PTPRG: variants seen among roughly 807,000 people sequenced by gnomAD.
PTPRG encodes protein tyrosine phosphatase receptor type G.
In PTPRG, 102 loss-of-function variants were observed where a neutral mutation model predicts 165.3. The observed-to-expected ratio is 0.62, with a 90% CI of 0.53 to 0.73. The LOEUF (loss-of-function observed/expected upper bound fraction) is 0.73. PTPRG is among the 30% of genes least tolerant of loss of function. The pLI, the probability that PTPRG is intolerant of heterozygous loss-of-function variation, is 0.00. For synonymous variants in PTPRG, 675 were observed against 669.5 expected, an observed-to-expected ratio of 1.01 and a Z score of -0.13; for missense variants, 1,866 against 1,861.4, an observed-to-expected ratio of 1.00 and a Z score of -0.05.
chr3:61,570,574 A>C (rs1700032572), intron 1 of PTPRG, among the ~76,000 whole-genome samples: 1 of 152,148 alleles, frequency 6.6e-6, no homozygotes, highest in Non-Finnish European at 1.5e-5. Context: ...ATATACATCT[A>C]AGAGGTATTT....
intron 11 of PTPRG, among the ~76,000 whole-genome samples, chr3:62,202,157 T>C (rs939176157): frequency 3.3e-5 from 5 of 152,144 alleles, no homozygotes; most frequent in Non-Finnish European, 7.4e-5. Context: ...AAGTAATGTG[T>C]CCAGCATCAC....
intron 5 of PTPRG, among the ~76,000 whole-genome samples, chr3:62,082,072 C>T (rs1484058322): frequency 6.6e-6 from 1 of 152,174 alleles, no homozygotes; most frequent in Admixed American, 6.5e-5. Flanking sequence ...CTTATAAACC[C>T]ACATATTCAT....
intron 2 of PTPRG, among the ~76,000 whole-genome samples, chr3:61,846,190 T>A (rs1010460737): frequency 6.6e-6 from 1 of 152,220 alleles, no homozygotes; most frequent in Non-Finnish European, 1.5e-5. Flanking sequence ...TTGCTGTATT[T>A]TATTATTTAT....
At chr3:61,742,792 T>C in intron 1 of PTPRG, 1 of 1,610,700 alleles carries the variant, frequency 6.2e-7, no homozygotes, top group Non-Finnish European at 8.5e-7. Flanking sequence ...CGCATCATAC[T>C]TCTTGGCCAG....
chr3:62,277,429 C>T (rs1478955694), intron 25 of PTPRG, 122 bp from the exon 26 acceptor site: 9 of 1,142,686 alleles, frequency 7.9e-6, no homozygotes. Context: ...TACCGAATGC[C>T]TTTCTCAATT....
chr3:61,606,814 G>T (rs1239708604), intron 1 of PTPRG, among the ~76,000 whole-genome samples: 3 of 152,160 alleles, frequency 2.0e-5, no homozygotes, highest in Non-Finnish European at 4.4e-5. Flanking sequence ...GGAGCCCTCA[G>T]GGCCTCATCA....
intron 15 of PTPRG, among the ~76,000 whole-genome samples, chr3:62,253,350 C>T (rs1257437245): frequency 6.6e-6 from 1 of 152,158 alleles, no homozygotes; most frequent in East Asian, 1.9e-4. Flanking sequence ...GTCACTCTGC[C>T]CTTGAAAATA....
At chr3:61,578,303 C>T (rs1700212454) in intron 1 of PTPRG, among the ~76,000 whole-genome samples, 1 of 152,200 alleles carries the variant, frequency 6.6e-6, no homozygotes, top group African/African-American at 2.4e-5. Flanking sequence ...AGCTTCTTGA[C>T]AGACTGATAT....
intron 1 of PTPRG, among the ~76,000 whole-genome samples, chr3:61,621,080 T>C (rs1363402238): frequency 6.7e-6 from 1 of 149,154 alleles, no homozygotes. Flanking sequence ...TGTGTGTGTA[T>C]ATTTATTTAT....
chr3:61,573,968 T>C (rs542554380), intron 1 of PTPRG, among the ~76,000 whole-genome samples: 1 of 152,276 alleles, frequency 6.6e-6, no homozygotes, highest in Non-Finnish European at 1.5e-5. Flanking sequence ...CCATTCTAAT[T>C]AGAGGACAAA....
chr3:61,878,354 G>A (rs1364018567), intron 2 of PTPRG, among the ~76,000 whole-genome samples: 1 of 152,198 alleles, frequency 6.6e-6, no homozygotes, highest in South Asian at 2.1e-4. Context: ...CTTCTTTTGG[G>A]TTCTGTTTGA....
chr3:62,228,670 C>T lies in PTPRG; in HGVS notation c.2289-2555C>T, dbSNP rs923569596. ...CAAACTGCCCTTCCTTTATGCAAAG[C>T]AAAGTCCACTGTTAACGGGTAGAAT... On this transcript the variant is annotated intron_variant, in intron 13 of 29. Coordinates refer to ENST00000474889, the MANE Select transcript of PTPRG (RefSeq NM_002841.4). This position sits in a 1 kb window ranked among gnomAD's most constrained non-coding sequence, Gnocchi z 4.1. Among the ~76,000 whole-genome samples, 1 of 152,182 alleles carries T rather than the reference C, an allele frequency of 6.6e-6. No homozygotes were observed. Among genetic ancestry groups the T allele is most frequent in the Admixed American group, 6.5e-5 (1 of 15,274 alleles).
At chr3:61,871,128 A>ATGTTGTGTTG (rs796152535) in intron 2 of PTPRG, among the ~76,000 whole-genome samples, 102 of 123,090 alleles carry the variant, frequency 8.3e-4, no homozygotes, top group Non-Finnish European at 1.2e-3. Context: ...ATGTTATGTT[A>ATGTTGTGTTG]TGTTGTGTTG....
intron 5 of PTPRG, among the ~76,000 whole-genome samples, chr3:62,097,535 A>G (rs1265132468): frequency 6.6e-6 from 1 of 151,168 alleles, no homozygotes; most frequent in Non-Finnish European, 1.5e-5. Flanking sequence ...GCAAGAGAGG[A>G]CTCCTCATTC....
chr3:61,643,326 A>G (rs567876225), intron 1 of PTPRG, among the ~76,000 whole-genome samples: 73 of 152,246 alleles, frequency 4.8e-4, no homozygotes, highest in African/African-American at 1.7e-3. Flanking sequence ...AGACATACCA[A>G]CTGATCTCCA....
intron 3 of PTPRG, among the ~76,000 whole-genome samples, chr3:62,001,039 C>T (rs531871044): frequency 1.3e-5 from 2 of 152,240 alleles, no homozygotes; most frequent in Non-Finnish European, 2.9e-5. Context: ...TCCAACATGT[C>T]TTGAGCTCAT....
chr3:62,005,690 CTTTTTTTTTTTTTTTTTT>C (rs35487954), intron 4 of PTPRG, among the ~76,000 whole-genome samples: 1 of 60,304 alleles, frequency 1.7e-5, no homozygotes, highest in South Asian at 9.7e-4. Context: ...CATTAATATC[CTTTTTTTTTTTTTTTTTT>C]TTTTTTTTTT....
chr3:61,725,091 CTT>C (rs539214827), intron 1 of PTPRG, among the ~76,000 whole-genome samples: 77 of 152,240 alleles, frequency 5.1e-4, no homozygotes, highest in African/African-American at 1.6e-3. Context: ...TTTTTTACCA[CTT>C]ACGAGTTTCA....
chr3:61,674,694 CT>C (rs1559551714), intron 1 of PTPRG, among the ~76,000 whole-genome samples: 87 of 152,154 alleles, frequency 5.7e-4, no homozygotes, highest in African/African-American at 2.0e-3. Flanking sequence ...CTTGACCTTT[CT>C]CTTTGTAACT....
Sources: gnomAD v4.1 joint callset for allele counts (sites outside exome capture counted in the v4.1 genomes callset) on GRCh38, gnomAD v4.1.1 for gene constraint, Gnocchi (gnomAD v3.1) non-coding constraint, MANE v1.5 for transcripts, NCBI Gene and HGNC (gene_info 2026-07-23, HGNC 2026-07-21) for gene names.